Variants in CCDC144A observed in about 807,000 individuals in gnomAD.
The protein encoded by CCDC144A is coiled-coil domain-containing protein 144A.
In CCDC144A, 41 loss-of-function variants were observed where a neutral mutation model predicts 143.8. The observed-to-expected ratio is 0.29, with a 90% confidence interval of 0.22 to 0.37. The LOEUF (loss-of-function observed/expected upper bound fraction) is 0.37. Among genes scored for constraint, CCDC144A ranks in the 10% least tolerant of loss-of-function variants. The pLI is 1.00. For synonymous variants in CCDC144A, 242 were observed against 517.9 expected, an observed-to-expected ratio of 0.47 and a Z score of 7.23; for missense variants, 637 against 1,488.8, an observed-to-expected ratio of 0.43 and a Z score of 9.41.
chr17:16,688,629 C>T (rs1201448337), upstream of CCDC144A, among the ~76,000 whole-genome samples: 2 of 151,642 alleles, frequency 1.3e-5, no homozygotes, highest in Admixed American at 6.6e-5. Flanking sequence ...GCTGGGACTA[C>T]AGGCACGTGC....
intron 16 of CCDC144A, 83 bp from the exon 17 acceptor site, chr17:16,773,414 C>T: frequency 1.3e-6 from 2 of 1,489,226 alleles, no homozygotes; most frequent in Non-Finnish European, 1.8e-6. Context: ...CACCATGGCA[C>T]TCCAGCATAG....
At chr17:16,730,000 A>T (rs1913660353) in intron 9 of CCDC144A, among the ~76,000 whole-genome samples, 1 of 139,646 alleles carries the variant, frequency 7.2e-6, no homozygotes, top group Non-Finnish European at 1.5e-5. Context: ...ATACACACAT[A>T]CATTTTTTGT....
Position 16,776,023 on chromosome 17 carries a change from G to C in CCDC144A, c.*2390G>C, listed in dbSNP as rs1915990817. ...AAAGATCACATGGTTGTAGGTGTGT[G>C]GTCTTATTTCTGGGTTCTCTATTCT... On this transcript the variant is annotated 3_prime_UTR_variant, in exon 17 of 17. Transcript: ENST00000399273. 6.6e-6 allele frequency: 1 copy of C among 152,154 alleles called. No individual in the cohort carries two copies. The highest frequency in any genetic ancestry group is 1.5e-5 in the Non-Finnish European group (1 of 68,046). 9.4% of individuals were successfully genotyped at this position (152,154 alleles called of 1,614,324 possible).
At chr17:16,671,219 G>A in the CCDC144A span, among the ~76,000 whole-genome samples, 2 of 152,180 alleles carry the variant, frequency 1.3e-5, no homozygotes, top group South Asian at 4.2e-4. Flanking sequence ...ATGACCTCAG[G>A]TGATCTGCCC....
intron 6 of CCDC144A, among the ~76,000 whole-genome samples, chr17:16,716,012 C>T (rs927137806): frequency 2.0e-5 from 3 of 152,182 alleles, no homozygotes; most frequent in African/African-American, 7.2e-5. Context: ...ACAAATGTAG[C>T]TACTAAGTTT....
chr17:16,688,484 G>T (rs888799110), upstream of CCDC144A, among the ~76,000 whole-genome samples: 47 of 71,622 alleles, frequency 6.6e-4, no homozygotes, highest in African/African-American at 1.7e-3. Context: ...TTCTTTTTCT[G>T]TTTTTTTTTT....
intron 12 of CCDC144A, among the ~76,000 whole-genome samples, chr17:16,743,173 C>T (rs1481401698): frequency 1.3e-5 from 2 of 152,128 alleles, no homozygotes; most frequent in African/African-American, 2.4e-5. Flanking sequence ...GACCAATGTC[C>T]TGAAGCATTT....
chr17:16,669,956 G>T, the CCDC144A span, among the ~76,000 whole-genome samples: 1 of 152,162 alleles, frequency 6.6e-6, no homozygotes, highest in Admixed American at 6.5e-5. Context: ...GCTGAGGGGG[G>T]TGGATAATGA....
chr17:16,682,185 C>G, the CCDC144A span, among the ~76,000 whole-genome samples: 2 of 148,112 alleles, frequency 1.4e-5, 1 homozygote, highest in South Asian at 4.4e-4. Context: ...TTTCCATACA[C>G]GACAGATCTG....
chr17:16,667,135 G>T, the CCDC144A span: 3 of 154,758 alleles, frequency 1.9e-5, no homozygotes, highest in African/African-American at 7.2e-5. Flanking sequence ...GGGAGCCACC[G>T]GTGGGAAAAC....
At chr17:16,667,683 G>A in the CCDC144A span, among the ~76,000 whole-genome samples, 1 of 151,940 alleles carries the variant, frequency 6.6e-6, no homozygotes, top group Non-Finnish European at 1.5e-5. Flanking sequence ...ATGTTATTTA[G>A]GATATTTTAC....
At position 16,735,072 on chromosome 17, in the gene CCDC144A, G is replaced by A; in HGVS notation, c.2801G>A (p.Arg934Lys). 1 of 1,605,946 alleles carries A rather than the reference G, an allele frequency of 6.2e-7. No individual in the cohort carries two copies. The highest frequency in any genetic ancestry group is 8.5e-7 in the Non-Finnish European group (1 of 1,176,900). ...GACTGTGATCAAAGTCAGACAGCAA[G>A]AGACCTAAAACTTGATTTCCAGAGA... is the stretch of plus-strand genomic sequence containing the variant. ...VRDCDQSQTA[R>K]DLKLDFQRTR... is the part of the protein sequence containing the mutation. Residue 934 changes from arginine (R) to lysine (K), a missense_variant, in exon 12 of 17, where the codon AGA becomes AAA. Physicochemically the swap from Arg to Lys is conservative, Grantham distance 26 (BLOSUM62 2). Coordinates refer to ENST00000399273, the MANE Select transcript of CCDC144A (RefSeq NM_001382000.1).
intron 6 of CCDC144A, among the ~76,000 whole-genome samples, chr17:16,716,101 TC>T (rs1912735982): frequency 6.6e-6 from 1 of 151,954 alleles, no homozygotes; most frequent in African/African-American, 2.4e-5. Flanking sequence ...GATTTCATAT[TC>T]CAGAACTATA....
chr17:16,767,469 G>A (rs1414814675), intron 15 of CCDC144A, among the ~76,000 whole-genome samples: 1 of 150,046 alleles, frequency 6.7e-6, no homozygotes. Context: ...ACAAGGAGGA[G>A]GAGGTAACAT....
chr17:16,675,909 AT>A, the CCDC144A span, among the ~76,000 whole-genome samples: 704 of 145,012 alleles, frequency 4.9e-3, 5 homozygotes, highest in African/African-American at 0.012. Context: ...AGCCCAGCTA[AT>A]TTTTTTTTTT....
Position 16,775,879 on chromosome 17 carries a change from G to A in CCDC144A, c.*2246G>A, listed in dbSNP as rs1366971969. The A allele has an allele frequency of 6.6e-6, 1 of 152,270 alleles. No homozygotes were observed. Among genetic ancestry groups the A allele is most frequent in the Non-Finnish European group, 1.5e-5 (1 of 68,070 alleles). The allele number at this position is 152,270 out of a possible 1,614,324, so 9.4% of individuals were successfully genotyped here. On this transcript the variant is annotated 3_prime_UTR_variant, in exon 17 of 17. Coordinates refer to ENST00000399273, the MANE Select transcript of CCDC144A (RefSeq NM_001382000.1). ...TTTAATCCATCTTGAGTTAACTTTT[G>A]TATATGGGTTAAGGAAGGGGTCCCG...
intron 1 of CCDC144A, among the ~76,000 whole-genome samples, chr17:16,691,467 A>T (rs1911066015): frequency 6.6e-6 from 1 of 151,672 alleles, no homozygotes; most frequent in South Asian, 2.1e-4. Flanking sequence ...TCCATGTATA[A>T]AATGAGAGCT....
chr17:16,683,858 T>G, the CCDC144A span: 16 of 1,395,256 alleles, frequency 1.1e-5, no homozygotes, highest in Non-Finnish European at 1.4e-5. Context: ...CACGTTTTCC[T>G]ACATGGGAGA....
At chr17:16,761,379 C>T in intron 12 of CCDC144A, 46 bp from the exon 13 acceptor site, 1 of 1,562,856 alleles carries the variant, frequency 6.4e-7, no homozygotes, top group Non-Finnish European at 8.6e-7. Flanking sequence ...AGACCATTCT[C>T]AGTCTACCTT....
Sources: gnomAD v4.1 joint callset for allele counts (sites outside exome capture counted in the v4.1 genomes callset) on GRCh38, gnomAD v4.1.1 for gene constraint, MANE v1.5 for transcripts, NCBI Gene and HGNC (gene_info 2026-07-23, HGNC 2026-07-21) for gene names.